ABCC5: variants seen among roughly 807,000 people sequenced by gnomAD.
ABCC5 encodes ATP-binding cassette sub-family C member 5.
ABCC5 carries 61 observed loss-of-function variants against 160.9 expected under a neutral mutation model. The ratio of observed to expected loss-of-function variants is 0.38; its 90% CI spans 0.31 to 0.47. ABCC5 has a LOEUF of 0.47. ABCC5 is among the 20% of genes least tolerant of loss of function. The pLI, the probability that ABCC5 is intolerant of heterozygous loss-of-function variation, is 0.99. For synonymous variants in ABCC5, 666 were observed against 700.6 expected (o/e 0.95, Z 0.78); for missense variants, 1,308 against 1,813.3 (o/e 0.72, Z 5.06).
chr3:184,001,163 G>A, intron 2 of ABCC5: 1 of 444,448 alleles, frequency 2.2e-6, no homozygotes, highest in East Asian at 3.3e-5. Flanking sequence ...TGAGGCAGGA[G>A]GATCACAGGA....
rs1716555465 is a variant in ABCC5 at position 183,959,778 on chromosome 3, T to G, written c.2437A>C (p.Lys813Gln). 1 of 1,613,182 alleles carries G rather than the reference T, an allele frequency of 6.2e-7. No homozygotes were observed. Among genetic ancestry groups the G allele is most frequent in the African/African-American group, 1.3e-5 (1 of 74,890 alleles). The stretch of plus-strand genomic sequence containing the variant: ...TTTTCCTTCTTTACTGATCCTGTTT[T>G]AGGACCCTTGTCTTGTGACTTCTTC... ...SQKKSQDKGP[K>Q]TGSVKKEKAV... The change falls in exon 17 of 30, where the codon AAA (lysine) becomes CAA (glutamine). Residue 813 changes from lysine (K) to glutamine (Q), a missense_variant. Transcript: ENST00000334444.
rs115251532 is a variant in ABCC5, at chr3:183,979,523, C to T, written c.1148-872G>A. Among the ~76,000 whole-genome samples the T allele has an allele frequency of 9.7e-3, 1,475 of 152,242 alleles. 11 individuals are homozygous for T. The highest frequency in any genetic ancestry group is 0.034 in the Middle Eastern group (10 of 294). ...TTTTCTTAAATATTTGCAAAATCAACCCCCATATTAGCAAAGCAACCATAG... is the reference window on the plus strand; with the variant it reads ...TTTTCTTAAATATTTGCAAAATCAATCCCCATATTAGCAAAGCAACCATAG... On this transcript the variant is annotated intron_variant, in intron 8 of 29. Coordinates refer to ENST00000334444, the MANE Select transcript of ABCC5 (RefSeq NM_005688.4).
Position 183,965,223 on chromosome 3 carries a change from G to C in ABCC5, c.1993C>G (p.Pro665Ala). The C allele has an allele frequency of 6.2e-7, 1 of 1,614,190 alleles. No homozygotes were observed. The highest frequency in any genetic ancestry group is 2.2e-5 in the East Asian group (1 of 44,882). Residue 665 changes from proline to alanine, a missense_variant, in exon 14 of 30, where the codon CCT becomes GCT. By Grantham distance (27) the Pro-to-Ala change is conservative. This residue lies in a region of ABCC5 where 1,142 missense variants were observed against 1,527.1 expected (regional missense o/e 0.75). Transcript: ENST00000334444. ...NSVLNSCCLR[P>A]DLAILPSSDL... is the part of the protein sequence containing the mutation. ...CTGCTGGGAAGAATGGCCAGGTCAG[G>C]CCTCAGGCAGCAGCTGTTCAGCACA...
intron 29 of ABCC5, among the ~76,000 whole-genome samples, chr3:183,923,900 A>G (rs1032036843): frequency 6.6e-6 from 1 of 151,842 alleles, no homozygotes; most frequent in Admixed American, 6.6e-5. Context: ...CCTTTTCTCA[A>G]TATTTCTCCA....
chr3:183,952,145 T>A, intron 18 of ABCC5, 142 bp from the exon 19 acceptor site: 30 of 33,698 alleles, frequency 8.9e-4, no homozygotes, highest in East Asian at 3.7e-3. Context: ...TGTCCACCTC[T>A]TTTTTTTTTT....
chr3:183,981,050 A>T (rs1255591628), intron 8 of ABCC5, among the ~76,000 whole-genome samples: 1 of 152,138 alleles, frequency 6.6e-6, no homozygotes, highest in Non-Finnish European at 1.5e-5. Context: ...TAATGCATTG[A>T]CTGTTTCACA....
At position 183,977,738 on chromosome 3, in the gene ABCC5, GTTA is replaced by G. The variant is rs540553650; in HGVS notation, c.1297-117_1297-115del. On this transcript the variant is annotated intron_variant, in intron 9 of 29. Transcript: ENST00000334444. ...GAAGGCTGCAACTTCACGGTCAGCT[GTTA>G]TTACAAGTCAATTACATTTTTTTTT... 5.4e-5 allele frequency: 36 copies of G among 663,424 alleles called. No individual in the cohort carries two copies. The African/African-American group carries it at 6.3e-4, about 12-fold the overall frequency. 41.1% of individuals were successfully genotyped at this position (663,424 alleles called of 1,614,324 possible).
chr3:183,952,546 G>A (rs1696980316), intron 18 of ABCC5, among the ~76,000 whole-genome samples: 1 of 152,172 alleles, frequency 6.6e-6, no homozygotes, highest in African/African-American at 2.4e-5. Context: ...GGGACCCGGT[G>A]GGAGGTGACC....
intron 2 of ABCC5, among the ~76,000 whole-genome samples, chr3:184,011,774 C>G (rs1418024417): frequency 6.6e-6 from 1 of 152,068 alleles, no homozygotes; most frequent in Admixed American, 6.6e-5. Context: ...CAAGGGAGTT[C>G]AGCTGAGTGA....
chr3:183,954,634 G>C lies in ABCC5; in HGVS notation c.2483-1364C>G, dbSNP rs550398018. Among the ~76,000 whole-genome samples, 3 of 152,282 alleles carry C rather than the reference G, an allele frequency of 2.0e-5. No individual in the cohort carries two copies. The East Asian group carries it at 5.8e-4, about 29-fold the overall frequency. ...GGCTGGCTGCTGGAGGAGAGAAAAG[G>C]TTCAAATATATTCCTGAGGATCTCC... On this transcript the variant is annotated intron_variant, in intron 17 of 29. Transcript: ENST00000334444.
intron 26 of ABCC5, among the ~76,000 whole-genome samples, chr3:183,931,358 GCT>G (rs1713168605): frequency 7.7e-6 from 1 of 129,610 alleles, no homozygotes; most frequent in African/African-American, 3.0e-5. Context: ...ACAGAATCTT[GCT>G]CTGTCACCCA....
chr3:183,927,212 T>A, intron 28 of ABCC5, 118 bp downstream of exon 28: 1 of 981,514 alleles, frequency 1.0e-6, no homozygotes, highest in Non-Finnish European at 1.5e-6. Context: ...CTGGTCATGC[T>A]CTTAGAAAGT....
intron 28 of ABCC5, among the ~76,000 whole-genome samples, chr3:183,926,608 C>A (rs73046512): frequency 8.4e-4 from 128 of 152,224 alleles, no homozygotes; most frequent in African/African-American, 2.9e-3. Context: ...CCCCTACATG[C>A]TCTGTGACAG....
Position 183,947,357 on chromosome 3 carries a change from G to A in ABCC5, c.3381C>T (p.Ala1127=). The A allele has an allele frequency of 1.2e-6, 2 of 1,613,546 alleles. No homozygotes were observed. The highest frequency in any genetic ancestry group is 1.7e-6 in the Non-Finnish European group (2 of 1,179,676). ...CATAAGAGATGGCGAGACCCGCATA[G>A]GCTGGGGGAATCTGCCCGTGCATAA... ...IVLMHGQIPP[A]YAGLAISYAV... Residue 1127 remains alanine (A), a synonymous_variant, in exon 23 of 30, where the codon GCC becomes GCT. Transcript: ENST00000334444.
chr3:183,957,917 T>TAC (rs1716335210), intron 17 of ABCC5, among the ~76,000 whole-genome samples: 2 of 150,660 alleles, frequency 1.3e-5, no homozygotes, highest in African/African-American at 4.9e-5. Context: ...GATCCGTGTG[T>TAC]ATATCACATC....
At chr3:184,014,189 AATTACCC>A in intron 2 of ABCC5, 68 bp downstream of exon 2, 1 of 1,445,586 alleles carries the variant, frequency 6.9e-7, no homozygotes, top group African/African-American at 1.4e-5. Context: ...TAAGTTTCTA[AATTACCC>A]ATTATACGAA....
chr3:183,934,902 G>A (rs1258139757), intron 26 of ABCC5, among the ~76,000 whole-genome samples: 1 of 152,122 alleles, frequency 6.6e-6, no homozygotes, highest in Non-Finnish European at 1.5e-5. Flanking sequence ...AATTAAAACT[G>A]AGGCTTCTTG....
chr3:184,002,060 A>G (rs538453985), intron 2 of ABCC5, among the ~76,000 whole-genome samples: 2 of 152,192 alleles, frequency 1.3e-5, no homozygotes, highest in Non-Finnish European at 2.9e-5. Context: ...GGTAATGGCA[A>G]TGGGGCAGGA....
Position 183,963,634 on chromosome 3 carries a change from A to G in ABCC5, c.2032-46T>C, listed in dbSNP as rs1488541051. On this transcript the variant is annotated intron_variant, in intron 14 of 29. Coordinates refer to ENST00000334444, the MANE Select transcript of ABCC5 (RefSeq NM_005688.4). The surrounding 1 kb of genome is among the most constrained non-coding windows in gnomAD (Gnocchi z 4.6). Reference sequence around the variant, plus strand: ...GGTGAAGCCTCCAGCGCAAGTCCAGAACAGCGTGGAGGGGTCACCCAGTCA... The same window carrying G: ...GGTGAAGCCTCCAGCGCAAGTCCAGGACAGCGTGGAGGGGTCACCCAGTCA... The G allele has an allele frequency of 3.1e-6, 5 of 1,597,174 alleles. No individual in the cohort carries two copies. The highest frequency in any genetic ancestry group is 1.7e-5 in the Admixed American group (1 of 59,600).
Sources: gnomAD v4.1 joint callset for allele counts (sites outside exome capture counted in the v4.1 genomes callset) on GRCh38, gnomAD v4.1.1 for gene constraint, gnomAD v4.1.1 regional missense constraint, Gnocchi (gnomAD v3.1) non-coding constraint, MANE v1.5 for transcripts, NCBI Gene and HGNC (gene_info 2026-07-23, HGNC 2026-07-21) for gene names.